Variants in PRDM16 observed in about 807,000 individuals in gnomAD.
PRDM16 encodes PR/SET domain 16.
A neutral mutation model predicts 110.6 loss-of-function variants in PRDM16; 23 were observed. The observed-to-expected ratio is 0.21, with a 90% CI of 0.15 to 0.29. The LOEUF is 0.29. PRDM16 is among the 10% of genes least tolerant of loss of function. The pLI is 1.00. For synonymous variants in PRDM16, 799 were observed against 781.8 expected (o/e 1.02, Z -0.37); for missense variants, 1,615 against 1,794.3 (o/e 0.90, Z 1.81).
rs532139692 is a variant in PRDM16, at chr1:3,115,350, G to A, written c.37+46054G>A. ...GCGCCCGTCAGAAAGGGAGTGCAGG[G>A]GGCCTGGAAAGTGGCAGAGAGAGCA... On this transcript the variant is annotated intron_variant, in intron 1 of 16. Transcript: ENST00000270722. Among the ~76,000 whole-genome samples, 13 of 152,356 alleles carry A rather than the reference G, an allele frequency of 8.5e-5. No individual in the cohort carries two copies. In the South Asian group the frequency reaches 2.1e-3, roughly 24 times the overall value.
At chr1:3,403,466 C>T (rs763453935) in intron 6 of PRDM16, among the ~76,000 whole-genome samples, 4 of 152,248 alleles carry the variant, frequency 2.6e-5, no homozygotes, top group Non-Finnish European at 2.9e-5. Context: ...TCCGGACACA[C>T]GAGCAGCTCC....
chr1:3,138,726 C>T lies in PRDM16; in HGVS notation c.38-47399C>T, dbSNP rs942808705. ...TTCCAGAAGGCTTTCCTGCTCAGACCGGTGGGTGCCAACACTCAGGTATTC... is the reference window on the plus strand; with the variant it reads ...TTCCAGAAGGCTTTCCTGCTCAGACTGGTGGGTGCCAACACTCAGGTATTC... On this transcript the variant is annotated intron_variant, in intron 1 of 16. Transcript: ENST00000270722. Among the ~76,000 whole-genome samples the T allele has an allele frequency of 3.3e-5, 5 of 152,266 alleles. No homozygotes were observed. In the South Asian group the frequency reaches 6.2e-4, roughly 19 times the overall value.
intron 3 of PRDM16, among the ~76,000 whole-genome samples, chr1:3,341,217 C>T (rs1003934110): frequency 1.3e-5 from 2 of 152,106 alleles, no homozygotes. Flanking sequence ...AAGTGACTGT[C>T]GCCTGGTGGG....
intron 1 of PRDM16, among the ~76,000 whole-genome samples, chr1:3,180,226 A>G (rs1644134291): frequency 6.9e-6 from 1 of 145,152 alleles, no homozygotes; most frequent in Non-Finnish European, 1.5e-5. Flanking sequence ...CCCACCCCCC[A>G]GGCCAAGACA....
chr1:3,259,803 GGCCTGGGATAT>G (rs1473227335), intron 3 of PRDM16, among the ~76,000 whole-genome samples: 1 of 152,012 alleles, frequency 6.6e-6, no homozygotes. Flanking sequence ...CTCTCCACTG[GGCCTGGGATAT>G]GCCTCCCCTC....
At chr1:3,114,185 G>A (rs1259538150) in intron 1 of PRDM16, among the ~76,000 whole-genome samples, 3 of 80,400 alleles carry the variant, frequency 3.7e-5, no homozygotes, top group African/African-American at 1.0e-4. Context: ...GCACACACAC[G>A]CACACACGCA....
intron 3 of PRDM16, among the ~76,000 whole-genome samples, chr1:3,305,866 A>G (rs1278851577): frequency 6.6e-6 from 1 of 152,210 alleles, no homozygotes; most frequent in Admixed American, 6.5e-5. Context: ...TTTTCTGCCC[A>G]TTTATTTGCT....
chr1:3,328,670 A>G (rs1346567295), intron 3 of PRDM16, among the ~76,000 whole-genome samples: 1 of 152,136 alleles, frequency 6.6e-6, no homozygotes, highest in Non-Finnish European at 1.5e-5. Context: ...AGTCTGTTTT[A>G]TCAGACCCAG....
chr1:3,179,887 G>A (rs1039488415), intron 1 of PRDM16, among the ~76,000 whole-genome samples: 12 of 152,202 alleles, frequency 7.9e-5, no homozygotes, highest in Admixed American at 5.9e-4. Flanking sequence ...CTGCTTTCCC[G>A]GGTCCCTGTT....
Position 3,426,097 on chromosome 1 carries a change from G to A in PRDM16, c.3156G>A (p.Ala1052=), listed in dbSNP as rs374274116. The A allele has an allele frequency of 1.5e-5, 25 of 1,613,760 alleles. No individual in the cohort carries two copies. Among genetic ancestry groups the A allele is most frequent in the East Asian group, 6.7e-5 (3 of 44,870 alleles). ...GVLTNHLGTS[A]SSPTSESDNH... ...TCACGAACCACCTGGGGACCAGCGC[G>A]TCCTCTCCCACCTCAGAGTCGGACA... The change falls in exon 14 of 17, where the codon GCG becomes GCA. Residue 1052 remains alanine (A), a synonymous_variant. Coordinates refer to ENST00000270722, the MANE Select transcript of PRDM16 (RefSeq NM_022114.4).
chr1:3,181,204 ACGGTCTTACACACG>A (rs1644164844), intron 1 of PRDM16, among the ~76,000 whole-genome samples: 1 of 128,930 alleles, frequency 7.8e-6, no homozygotes, highest in African/African-American at 3.2e-5. Context: ...GGTCTTACAC[ACGGTCTTACACACG>A]CAGTCTTACA....
At chr1:3,161,069 C>A (rs528743015) in intron 1 of PRDM16, among the ~76,000 whole-genome samples, 2 of 152,150 alleles carry the variant, frequency 1.3e-5, no homozygotes, top group Non-Finnish European at 2.9e-5. Flanking sequence ...CGGGAGGGGA[C>A]GTTTTGCTGC....
At chr1:3,105,029 G>A (rs1557448853) in intron 1 of PRDM16, among the ~76,000 whole-genome samples, 1 of 152,058 alleles carries the variant, frequency 6.6e-6, no homozygotes, top group Non-Finnish European at 1.5e-5. Flanking sequence ...TGTCCTCTCT[G>A]GAAGGTGCTG....
intron 1 of PRDM16, among the ~76,000 whole-genome samples, chr1:3,181,184 GCA>G (rs1644163451): frequency 4.9e-4 from 61 of 123,354 alleles, no homozygotes; most frequent in Non-Finnish European, 7.1e-4. Flanking sequence ...TCTTACACAC[GCA>G]GTCTTACGGT....
chr1:3,139,961 T>C lies in PRDM16; in HGVS notation c.38-46164T>C, dbSNP rs537371194. Reference sequence around the variant, plus strand: ...AGCCCTGACAGCCCACTCTTAATCATGCCTGCCAGACAAACACGGCAGGCT... The same window carrying C: ...AGCCCTGACAGCCCACTCTTAATCACGCCTGCCAGACAAACACGGCAGGCT... On this transcript the variant is annotated intron_variant, in intron 1 of 16. Transcript: ENST00000270722. Among the ~76,000 whole-genome samples, 4 of 152,356 alleles carry C rather than the reference T, an allele frequency of 2.6e-5. No individual in the cohort carries two copies. The East Asian group carries it at 7.7e-4, about 29-fold the overall frequency.
chr1:3,164,601 G>A (rs1247034546), intron 1 of PRDM16, among the ~76,000 whole-genome samples: 6 of 152,136 alleles, frequency 3.9e-5, no homozygotes, highest in Admixed American at 6.5e-5. Context: ...TAGCCCGCTC[G>A]GTGTCTCTGG....
intron 1 of PRDM16, among the ~76,000 whole-genome samples, chr1:3,166,571 T>C: frequency 6.6e-6 from 1 of 152,312 alleles, no homozygotes; most frequent in Admixed American, 6.5e-5. Context: ...AAAGAGAAAG[T>C]GCTCACGAAG....
chr1:3,348,166 G>A (rs1163880034), intron 3 of PRDM16, among the ~76,000 whole-genome samples: 1 of 152,184 alleles, frequency 6.6e-6, no homozygotes, highest in Non-Finnish European at 1.5e-5. Context: ...AGCCTGGGGG[G>A]TCTGGCCCAA....
intron 2 of PRDM16, among the ~76,000 whole-genome samples, chr1:3,197,232 C>A (rs941870796): frequency 4.6e-5 from 7 of 152,150 alleles, no homozygotes; most frequent in African/African-American, 1.7e-4. Context: ...CGACCATGGG[C>A]TGGGTGGACC....
Sources: gnomAD v4.1 joint callset for allele counts (sites outside exome capture counted in the v4.1 genomes callset) on GRCh38, gnomAD v4.1.1 for gene constraint, MANE v1.5 for transcripts, NCBI Gene and HGNC (gene_info 2026-07-23, HGNC 2026-07-21) for gene names.